ZNF519: variants seen among roughly 807,000 people sequenced by gnomAD.
ZNF519 encodes the protein zinc finger protein 519.
ZNF519 carries 7 observed loss-of-function variants against 7.4 expected under a neutral mutation model. That is an observed-to-expected ratio of 0.94 (90% CI 0.54 to 1.77). ZNF519 has a LOEUF of 1.77. Ranked by LOEUF, ZNF519 falls within the 40% of genes most tolerant of loss-of-function variation. ZNF519 has a pLI of 0.00. For synonymous variants in ZNF519, 179 were observed against 203.3 expected (o/e 0.88, Z 1.02); for missense variants, 586 against 623.1 (o/e 0.94, Z 0.63).
At chr18:14,084,675 C>T (rs1468428539) in intron 3 of ZNF519, among the ~76,000 whole-genome samples, 2 of 152,148 alleles carry the variant, frequency 1.3e-5, no homozygotes, top group African/African-American at 4.8e-5. Flanking sequence ...CTGCAGTTAG[C>T]CTCCTTCACC....
In ZNF519 at chr18:14,104,847, T is replaced by C; in HGVS notation, c.*70A>G. The stretch of plus-strand genomic sequence containing the variant: ...ATATGGGATTTCTATCCAGTATTGA[T>C]TTTCTAATGTTGAGTAAGGTGTGAG... On this transcript the variant is annotated 3_prime_UTR_variant, in exon 3 of 3. Coordinates refer to ENST00000590202, the MANE Select transcript of ZNF519 (RefSeq NM_145287.4). 7.0e-7 allele frequency: 1 copy of C among 1,421,760 alleles called. No homozygotes were observed. Among genetic ancestry groups the C allele is most frequent in the Non-Finnish European group, 9.3e-7 (1 of 1,072,064 alleles). 88.1% of individuals were successfully genotyped at this position (1,421,760 alleles called of 1,614,324 possible).
chr18:14,084,777 A>G (rs1260376470), intron 3 of ZNF519: 2 of 152,172 alleles, frequency 1.3e-5, no homozygotes, highest in African/African-American at 4.8e-5. Flanking sequence ...AAATAGGACT[A>G]TGAAAGTATA....
chr18:14,109,865 G>A (rs192425053), intron 2 of ZNF519, among the ~76,000 whole-genome samples: 101 of 152,064 alleles, frequency 6.6e-4, no homozygotes, highest in Non-Finnish European at 1.2e-3. Flanking sequence ...AAGAGCCTAC[G>A]TAGCCAAAGT....
downstream of ZNF519, chr18:14,075,476 T>C (rs1374616873): frequency 6.6e-6 from 1 of 152,164 alleles, no homozygotes; most frequent in Non-Finnish European, 1.5e-5. Flanking sequence ...CCCTGCCCAC[T>C]TTGTGAACAT....
At chr18:14,098,838 A>G (rs144121969), downstream of ZNF519, among the ~76,000 whole-genome samples, 378 of 152,324 alleles carry the variant, frequency 2.5e-3, no homozygotes, top group Middle Eastern at 6.8e-3. Context: ...CATCTTCTGG[A>G]AAGCACTGAG....
intron 1 of ZNF519, among the ~76,000 whole-genome samples, chr18:14,128,690 A>AACACACACAC (rs71366097): frequency 0.017 from 2,199 of 129,074 alleles, 59 homozygotes; most frequent in East Asian, 0.094. Context: ...TTCTGAGTCA[A>AACACACACAC]ACACACACAC....
downstream of ZNF519, among the ~76,000 whole-genome samples, chr18:14,095,572 G>C (rs966496106): frequency 7.2e-5 from 11 of 152,196 alleles, no homozygotes; most frequent in African/African-American, 2.7e-4. Flanking sequence ...CAGCAGTGCA[G>C]CAGTGATACA....
At chr18:14,108,687 T>A (rs8092494) in intron 2 of ZNF519, among the ~76,000 whole-genome samples, 6,040 of 151,292 alleles carry the variant, frequency 0.04, 411 homozygotes, top group African/African-American at 0.14. Flanking sequence ...TAAAAAGATT[T>A]AAAAAATTCC....
At chr18:14,120,861 G>A (rs2046266544) in intron 2 of ZNF519, among the ~76,000 whole-genome samples, 2 of 151,934 alleles carry the variant, frequency 1.3e-5, no homozygotes, top group African/African-American at 2.4e-5. Flanking sequence ...ATCACTTCTA[G>A]GCATACTACT....
chr18:14,124,763 T>C (rs2046289049), intron 1 of ZNF519, among the ~76,000 whole-genome samples: 1 of 151,936 alleles, frequency 6.6e-6, no homozygotes, highest in African/African-American at 2.4e-5. Context: ...CACCTCTCAT[T>C]AAAGTATCTG....
intron 2 of ZNF519, among the ~76,000 whole-genome samples, chr18:14,087,724 T>C (rs887958392): frequency 1.1e-4 from 16 of 152,244 alleles, no homozygotes; most frequent in Non-Finnish European, 2.1e-4. Flanking sequence ...GTATCATTTA[T>C]GTACATCACT....
chr18:14,121,130 TAA>T (rs1222988206), intron 2 of ZNF519, among the ~76,000 whole-genome samples: 1 of 152,062 alleles, frequency 6.6e-6, no homozygotes, highest in African/African-American at 2.4e-5. Flanking sequence ...TCTAAAAATG[TAA>T]ACTCATAGAA....
At chr18:14,095,274 A>C (rs2046131456), downstream of ZNF519, among the ~76,000 whole-genome samples, 1 of 152,144 alleles carries the variant, frequency 6.6e-6, no homozygotes, top group Non-Finnish European at 1.5e-5. Context: ...TAGCTTCGGG[A>C]GAGTCACTGT....
chr18:14,073,969 C>T (rs2143066833), downstream of ZNF519: 1 of 152,244 alleles, frequency 6.6e-6, no homozygotes, highest in African/African-American at 2.4e-5. Flanking sequence ...AGAGCTCTCC[C>T]CAAATAGGGA....
At chr18:14,112,485 C>A (rs1163697933) in intron 2 of ZNF519, among the ~76,000 whole-genome samples, 1 of 151,962 alleles carries the variant, frequency 6.6e-6, no homozygotes, top group Admixed American at 6.6e-5. Context: ...TAAAGGGCAA[C>A]CAAATTGGAA....
At chr18:14,109,127 A>T (rs11873883) in intron 2 of ZNF519, among the ~76,000 whole-genome samples, 30,353 of 151,446 alleles carry the variant, frequency 0.2, 3,374 homozygotes, top group Non-Finnish European at 0.22. Flanking sequence ...CAAAAAAAAA[A>T]AAAAAAAATA....
rs185330750 is a variant in ZNF519, at chr18:14,086,106, C to G, written c.131-1030G>C. The stretch of plus-strand genomic sequence containing the variant: ...AGCACAGTGCAAAGAGTGACTCCAC[C>G]CACTGGAGGGAAGGAAAGGAAAGAA... On this transcript the variant is annotated intron_variant and NMD_transcript_variant, in intron 2 of 4. Coordinates refer to the ZNF519 transcript ENST00000587419. Among the ~76,000 whole-genome samples, 295 of 152,306 alleles carry G rather than the reference C, an allele frequency of 1.9e-3. 2 individuals are homozygous for G. Among genetic ancestry groups the G allele is most frequent in the African/African-American group, 6.8e-3 (282 of 41,566 alleles).
chr18:14,104,444 AATG>A lies in ZNF519; in HGVS notation c.*470_*472del, dbSNP rs1164827770. The A allele has an allele frequency of 6.8e-6, 1 of 147,520 alleles. No individual in the cohort carries two copies. Among genetic ancestry groups the A allele is most frequent in the Non-Finnish European group, 1.4e-5 (1 of 69,242 alleles). The allele number at this position is 147,520 out of a possible 1,614,324, so 9.1% of individuals were successfully genotyped here. ...TGTGAATGACGTCATGAGACATGTG[AATG>A]ATGACATGTGAATGAGACATGTGAA... On this transcript the variant is annotated 3_prime_UTR_variant, in exon 3 of 3. Transcript: ENST00000590202.
intron 2 of ZNF519, among the ~76,000 whole-genome samples, chr18:14,089,435 T>G (rs2046105161): frequency 6.6e-6 from 1 of 152,244 alleles, no homozygotes; most frequent in Non-Finnish European, 1.5e-5. Context: ...TTCCATGGCC[T>G]GTCTAGGATT....
Sources: allele counts gnomAD v4.1 joint callset (sites outside exome capture counted in the v4.1 genomes callset), GRCh38; gene constraint gnomAD v4.1.1; transcripts MANE v1.5; gene names NCBI Gene and HGNC (gene_info 2026-07-23, HGNC 2026-07-21).